N4BP2L2: variants seen among roughly 807,000 people sequenced by gnomAD.
N4BP2L2 encodes the protein NEDD4 binding protein 2 like 2.
In N4BP2L2, 50 loss-of-function variants were observed where a neutral mutation model predicts 56.2. The ratio of observed to expected loss-of-function variants is 0.89; its 90% CI spans 0.71 to 1.13. The LOEUF (loss-of-function observed/expected upper bound fraction) is 1.13, where lower values mean the gene tolerates loss of function less well. Ranked by LOEUF, N4BP2L2 falls within the 50% of genes most tolerant of loss-of-function variation. The pLI is 0.00. For synonymous variants in N4BP2L2, 203 were observed against 223.6 expected, an observed-to-expected ratio of 0.91 and a Z score of 0.82; for missense variants, 689 against 693.8, an observed-to-expected ratio of 0.99 and a Z score of 0.08.
chr13:32,454,265 T>C (rs1265959128), intron 6 of N4BP2L2, among the ~76,000 whole-genome samples: 14 of 152,338 alleles, frequency 9.2e-5, no homozygotes, highest in East Asian at 5.8e-4. Flanking sequence ...ATGATGTTGT[T>C]GTTCCAGATG....
At chr13:32,503,953 G>A (rs1231684769) in intron 6 of N4BP2L2, among the ~76,000 whole-genome samples, 4 of 152,070 alleles carry the variant, frequency 2.6e-5, no homozygotes, top group South Asian at 2.1e-4. Context: ...CTATGATTGC[G>A]CCACTGCACT....
At chr13:32,512,063 T>C (rs1232196590) in exon 6 of N4BP2L2, 1 of 152,096 alleles carries the variant, frequency 6.6e-6, no homozygotes, top group East Asian at 1.9e-4. Context: ...ATGTACCATC[T>C]GAAAACAGTT....
intron 6 of N4BP2L2, among the ~76,000 whole-genome samples, chr13:32,467,239 G>A (rs948540788): frequency 1.3e-5 from 2 of 151,532 alleles, no homozygotes; most frequent in African/African-American, 4.9e-5. Context: ...TTGGAAATTG[G>A]TTGTTATTAT....
At chr13:32,489,024 G>A (rs2086502414) in intron 6 of N4BP2L2, among the ~76,000 whole-genome samples, 2 of 152,146 alleles carry the variant, frequency 1.3e-5, no homozygotes, top group South Asian at 4.1e-4. Context: ...AGTGAGCTGA[G>A]ATTGCACCAC....
chr13:32,518,304 G>C (rs1254417093), intron 5 of N4BP2L2, among the ~76,000 whole-genome samples: 1 of 152,082 alleles, frequency 6.6e-6, no homozygotes, highest in Non-Finnish European at 1.5e-5. Context: ...CAAAATTAAA[G>C]ATTATGAAAT....
At chr13:32,441,591 G>A (rs1335027411) in intron 7 of N4BP2L2, among the ~76,000 whole-genome samples, 1 of 151,868 alleles carries the variant, frequency 6.6e-6, no homozygotes, top group Non-Finnish European at 1.5e-5. Flanking sequence ...GGCTGAGGCA[G>A]GAGAATTGCT....
chr13:32,481,547 A>G (rs2084748248), intron 6 of N4BP2L2, among the ~76,000 whole-genome samples: 1 of 152,218 alleles, frequency 6.6e-6, no homozygotes, highest in Admixed American at 6.5e-5. Flanking sequence ...CAAATTGAGT[A>G]GTATACGTAT....
chr13:32,487,613 A>T (rs980497699), intron 6 of N4BP2L2, among the ~76,000 whole-genome samples: 8 of 135,870 alleles, frequency 5.9e-5, no homozygotes, highest in Non-Finnish European at 7.4e-5. Flanking sequence ...AAGAGGTTGC[A>T]GTGAGCCAAG....
chr13:32,490,362 T>C (rs1593818826), intron 6 of N4BP2L2, among the ~76,000 whole-genome samples: 1 of 152,168 alleles, frequency 6.6e-6, no homozygotes, highest in Non-Finnish European at 1.5e-5. Flanking sequence ...TGGAGTGCAG[T>C]GGCGCGATCT....
intron 6 of N4BP2L2, among the ~76,000 whole-genome samples, chr13:32,454,188 A>G (rs1566047295): frequency 6.6e-6 from 1 of 152,236 alleles, no homozygotes; most frequent in Non-Finnish European, 1.5e-5. Context: ...GGGCAGAATT[A>G]TAAACAGCCT....
At chr13:32,439,865 A>C (rs1295949032) in intron 7 of N4BP2L2, among the ~76,000 whole-genome samples, 14 of 150,808 alleles carry the variant, frequency 9.3e-5, no homozygotes, top group African/African-American at 2.9e-4. Flanking sequence ...CCAAAAAAAA[A>C]AAAAAAAAAA....
chr13:32,518,642 T>C (rs2049874991), intron 5 of N4BP2L2, among the ~76,000 whole-genome samples: 1 of 152,042 alleles, frequency 6.6e-6, no homozygotes, highest in African/African-American at 2.4e-5. Flanking sequence ...GCCAAAGATA[T>C]TATGGCAAAA....
intron 6 of N4BP2L2, among the ~76,000 whole-genome samples, chr13:32,489,431 C>G (rs190606918): frequency 1.2e-4 from 18 of 152,192 alleles, no homozygotes; most frequent in Admixed American, 1.0e-3. Flanking sequence ...TTATCCTTAG[C>G]CAAATTGTTA....
At chr13:32,459,877 C>T (rs1183459841) in intron 6 of N4BP2L2, among the ~76,000 whole-genome samples, 1 of 152,162 alleles carries the variant, frequency 6.6e-6, no homozygotes, top group East Asian at 1.9e-4. Context: ...AGGTCAGTAT[C>T]CCTGATGGAC....
intron 6 of N4BP2L2, among the ~76,000 whole-genome samples, chr13:32,504,203 T>C (rs2090525637): frequency 6.6e-6 from 1 of 152,232 alleles, no homozygotes; most frequent in Non-Finnish European, 1.5e-5. Flanking sequence ...GTCTCCAAAG[T>C]GCTTCTCAAC....
At chr13:32,495,700 T>C (rs1181133151) in intron 6 of N4BP2L2, among the ~76,000 whole-genome samples, 1 of 152,080 alleles carries the variant, frequency 6.6e-6, no homozygotes, top group African/African-American at 2.4e-5. Context: ...TCTTTTTTTT[T>C]TTAAATGGAG....
At chr13:32,443,528 G>T in exon 7 of N4BP2L2, 3 of 1,611,052 alleles carry the variant, frequency 1.9e-6, no homozygotes, top group Non-Finnish European at 2.5e-6. Context: ...TGATGGCACA[G>T]AATGGGTTCA....
rs183483470 is a variant in N4BP2L2, at chr13:32,501,075, C to A, written c.365+16782G>T. Among the ~76,000 whole-genome samples the A allele has an allele frequency of 3.4e-4, 52 of 152,168 alleles. 1 individual carries two copies. In the East Asian group the frequency reaches 9.7e-3, roughly 28 times the overall value. On this transcript the variant is annotated intron_variant, in intron 6 of 9. Coordinates refer to the N4BP2L2 transcript ENST00000357505. The stretch of plus-strand genomic sequence containing the variant: ...TAAAGACGAGGTTTCGCCATTTTAC[C>A]CAGGCTGGTCTTGAACTCCCGACCT...
chr13:32,450,745 C>T (rs9534494), intron 6 of N4BP2L2, among the ~76,000 whole-genome samples: 30,859 of 151,916 alleles, frequency 0.2, 3,460 homozygotes, highest in South Asian at 0.39. Flanking sequence ...ATTCTCCTGT[C>T]TCAGACTCCA....
Sources: allele counts gnomAD v4.1 joint callset (sites outside exome capture counted in the v4.1 genomes callset), GRCh38; gene constraint gnomAD v4.1.1; transcripts MANE v1.5; gene names NCBI Gene and HGNC (gene_info 2026-07-23, HGNC 2026-07-21).